The following GABBR2 variants were observed in gnomAD, a reference collection of about 807,000 sequenced individuals.
GABBR2 encodes the protein G-protein coupled receptor 51.
A neutral mutation model predicts 105.6 loss-of-function variants in GABBR2; 23 were observed. That is an observed-to-expected ratio of 0.22 (90% confidence interval 0.16 to 0.31). GABBR2 has a LOEUF of 0.31. GABBR2 is among the 10% of genes least tolerant of loss of function. The pLI is 1.00. For missense variants in GABBR2, 734 were observed against 1,245.5 expected (o/e 0.59, Z 6.18); for synonymous variants, 478 against 499.7 (o/e 0.96, Z 0.58).
chr9:98,387,215 A>T (rs927840075), intron 10 of GABBR2, among the ~76,000 whole-genome samples: 1 of 152,206 alleles, frequency 6.6e-6, no homozygotes, highest in African/African-American at 2.4e-5. Flanking sequence ...ATTTTTAAAT[A>T]GCCAAGCCAG....
intron 1 of GABBR2, among the ~76,000 whole-genome samples, chr9:98,601,346 A>G (rs2418084): frequency 0.38 from 57,099 of 151,912 alleles, 11,146 homozygotes; most frequent in African/African-American, 0.48. Context: ...GCAAGACCTC[A>G]TCTCTACAGA....
intron 2 of GABBR2, among the ~76,000 whole-genome samples, chr9:98,552,468 C>T (rs1380671903): frequency 6.6e-6 from 1 of 152,168 alleles, no homozygotes; most frequent in Non-Finnish European, 1.5e-5. Flanking sequence ...AGGATGTATA[C>T]AAAGGCCCCA....
intron 6 of GABBR2, among the ~76,000 whole-genome samples, chr9:98,472,078 T>C (rs1303372668): frequency 3.3e-5 from 5 of 152,184 alleles, no homozygotes; most frequent in African/African-American, 9.7e-5. Context: ...TAAAATTATA[T>C]ACATATATTT....
At chr9:98,364,287 G>A (rs1831638559) in intron 12 of GABBR2, among the ~76,000 whole-genome samples, 1 of 152,238 alleles carries the variant, frequency 6.6e-6, no homozygotes, top group African/African-American at 2.4e-5. Context: ...TGCCTAAGGA[G>A]CTTAGCAGTT....
chr9:98,707,621 C>T (rs1830914253), intron 1 of GABBR2, among the ~76,000 whole-genome samples: 1 of 152,236 alleles, frequency 6.6e-6, no homozygotes, highest in Admixed American at 6.5e-5. Flanking sequence ...GTCTGTGCTC[C>T]GGCTGCTAGG....
At chr9:98,477,301 A>G (rs958605082) in intron 5 of GABBR2, among the ~76,000 whole-genome samples, 1 of 152,212 alleles carries the variant, frequency 6.6e-6, no homozygotes, top group African/African-American at 2.4e-5. Flanking sequence ...ATGCTGTGGC[A>G]TGACCATGGG....
chr9:98,671,808 G>C, intron 1 of GABBR2, among the ~76,000 whole-genome samples: 1 of 152,146 alleles, frequency 6.6e-6, no homozygotes, highest in East Asian at 1.9e-4. Flanking sequence ...AAGAATTTGA[G>C]GACAGCAAGA....
intron 14 of GABBR2, among the ~76,000 whole-genome samples, chr9:98,310,292 A>G (rs1830615560): frequency 6.6e-6 from 1 of 151,798 alleles, no homozygotes; most frequent in African/African-American, 2.4e-5. Context: ...CTTGTTGCCC[A>G]GGCTGGAGTG....
At chr9:98,706,109 CAAAAAAAAA>C (rs3983388) in intron 1 of GABBR2, among the ~76,000 whole-genome samples, 2 of 136,998 alleles carry the variant, frequency 1.5e-5, no homozygotes, top group African/African-American at 5.6e-5. Flanking sequence ...ACAAAAAAAA[CAAAAAAAAA>C]AAAAAAAAGA....
chr9:98,694,576 A>G (rs1017846035), intron 1 of GABBR2, among the ~76,000 whole-genome samples: 2 of 152,220 alleles, frequency 1.3e-5, no homozygotes, highest in Non-Finnish European at 2.9e-5. Context: ...ACTCACATGA[A>G]TGACATCGCT....
intron 7 of GABBR2, among the ~76,000 whole-genome samples, chr9:98,434,401 C>T (rs540507041): frequency 6.6e-6 from 1 of 152,304 alleles, no homozygotes; most frequent in East Asian, 1.9e-4. Flanking sequence ...AGGGCACAAG[C>T]AGCTGAGCTC....
chr9:98,686,443 C>A (rs1830621786), intron 1 of GABBR2, among the ~76,000 whole-genome samples: 1 of 152,102 alleles, frequency 6.6e-6, no homozygotes, highest in Non-Finnish European at 1.5e-5. Context: ...GTCACCCAGG[C>A]TAGAATGCAG....
At chr9:98,458,073 T>G (rs1374966270) in intron 6 of GABBR2, among the ~76,000 whole-genome samples, 1 of 152,208 alleles carries the variant, frequency 6.6e-6, no homozygotes, top group Admixed American at 6.5e-5. Flanking sequence ...ACAGACACTA[T>G]GTTATAAATA....
Position 98,330,095 on chromosome 9 carries a change from C to A in GABBR2, c.1894-18890G>T, listed in dbSNP as rs567235472. ...TTCCTGTATGGCTCTCCAGTGCCTC[C>A]AGGTTAAAGTCCAAGCTCCCTCCAG... On this transcript the variant is annotated intron_variant, in intron 13 of 18. Coordinates refer to ENST00000259455, the MANE Select transcript of GABBR2 (RefSeq NM_005458.8). Among the ~76,000 whole-genome samples, 3 of 152,294 alleles carry A rather than the reference C, an allele frequency of 2.0e-5. No homozygotes were observed. The East Asian group carries it at 5.8e-4, about 29-fold the overall frequency.
At chr9:98,327,261 G>T (rs985612332) in intron 13 of GABBR2, among the ~76,000 whole-genome samples, 1 of 152,130 alleles carries the variant, frequency 6.6e-6, no homozygotes, top group South Asian at 2.1e-4. Flanking sequence ...TGCGGGAACT[G>T]TTCGGGGGCT....
In GABBR2 at chr9:98,641,900, T is replaced by C. The variant is rs2131837722; in HGVS notation, c.322-63828A>G. ...GTCCCTGAGCCTGGCTCCATGTTAATTGTGCAGTAAGTAGGTCGATGGGCT... is the reference window on the plus strand; with the variant it reads ...GTCCCTGAGCCTGGCTCCATGTTAACTGTGCAGTAAGTAGGTCGATGGGCT... On this transcript the variant is annotated intron_variant, in intron 1 of 18. Coordinates refer to ENST00000259455, the MANE Select transcript of GABBR2 (RefSeq NM_005458.8). 3.3e-5 allele frequency among the ~76,000 whole-genome samples: 5 copies of C among 152,256 alleles called. No homozygotes were observed. The Middle Eastern group carries it at 0.01, about 311-fold the overall frequency.
At chr9:98,707,661 A>C (rs1830915232) in intron 1 of GABBR2, among the ~76,000 whole-genome samples, 1 of 152,210 alleles carries the variant, frequency 6.6e-6, no homozygotes, top group Non-Finnish European at 1.5e-5. Flanking sequence ...GCCGTGAGAA[A>C]CTGCCTGCAG....
chr9:98,665,754 G>A (rs72760693), intron 1 of GABBR2, among the ~76,000 whole-genome samples: 8,328 of 152,242 alleles, frequency 0.055, 263 homozygotes, highest in Non-Finnish European at 0.072. Context: ...TCACCAGGGC[G>A]GATCTAACTT....
At chr9:98,325,919 T>C (rs1226198943) in intron 13 of GABBR2, among the ~76,000 whole-genome samples, 5 of 152,204 alleles carry the variant, frequency 3.3e-5, no homozygotes, top group Non-Finnish European at 7.3e-5. Flanking sequence ...TAAGGGCCCA[T>C]GCATCCTATG....
Sources: allele counts gnomAD v4.1 joint callset (sites outside exome capture counted in the v4.1 genomes callset), GRCh38; gene constraint gnomAD v4.1.1; transcripts MANE v1.5; gene names NCBI Gene and HGNC (gene_info 2026-07-23, HGNC 2026-07-21).